POLD3: variants seen among roughly 807,000 people sequenced by gnomAD.
The protein encoded by POLD3 is DNA polymerase delta subunit 3.
A neutral mutation model predicts 58.2 loss-of-function variants in POLD3; 19 were observed. The observed-to-expected ratio is 0.33, with a 90% CI of 0.23 to 0.48. The LOEUF (loss-of-function observed/expected upper bound fraction) is 0.48. Ranked by LOEUF, POLD3 falls within the 20% of genes least tolerant of loss-of-function variation. POLD3 has a pLI of 0.99. For synonymous variants in POLD3, 172 were observed against 193.5 expected (o/e 0.89, Z 0.92); for missense variants, 504 against 545.5 (o/e 0.92, Z 0.76).
chr11:74,630,420 G>C, intron 9 of POLD3, among the ~76,000 whole-genome samples: 1 of 152,182 alleles, frequency 6.6e-6, no homozygotes, highest in Admixed American at 6.5e-5. Flanking sequence ...TGTGATAAAG[G>C]TGTAGCATCT....
downstream of POLD3, among the ~76,000 whole-genome samples, chr11:74,644,895 G>A (rs999465522): frequency 3.3e-5 from 5 of 152,138 alleles, no homozygotes; most frequent in South Asian, 2.1e-4. Flanking sequence ...GTCTTTTACC[G>A]GACTGCTCTT....
chr11:74,641,575 G>A lies in POLD3; in HGVS notation c.*809G>A, dbSNP rs1448438099. Reference sequence around the variant, plus strand: ...GGGTGTGCTTTATGCTGCTCTTTGCGGTTTGTTGATCCCCTCCTCCCCCAC... The same window carrying A: ...GGGTGTGCTTTATGCTGCTCTTTGCAGTTTGTTGATCCCCTCCTCCCCCAC... On this transcript the variant is annotated 3_prime_UTR_variant, in exon 12 of 12. Transcript: ENST00000263681. The A allele has an allele frequency of 1.0e-6, 1 of 985,376 alleles. No homozygotes were observed. The highest frequency in any genetic ancestry group is 1.2e-6 in the Non-Finnish European group (1 of 829,948). The allele number at this position is 985,376 out of a possible 1,614,324, so 61.0% of individuals were successfully genotyped here.
At chr11:74,593,696 C>T (rs1196524656) in intron 1 of POLD3, among the ~76,000 whole-genome samples, 2 of 152,154 alleles carry the variant, frequency 1.3e-5, no homozygotes, top group African/African-American at 4.8e-5. Flanking sequence ...ACTTCAAAGT[C>T]ATCTAGCTTC....
downstream of POLD3, among the ~76,000 whole-genome samples, chr11:74,647,495 G>A (rs531596635): frequency 2.8e-4 from 42 of 152,296 alleles, no homozygotes; most frequent in Non-Finnish European, 4.4e-4. Flanking sequence ...GTGTACCAGG[G>A]CTAGAACCTA....
intron 4 of POLD3, among the ~76,000 whole-genome samples, chr11:74,668,110 C>A (rs1018871111): frequency 3.9e-5 from 6 of 152,300 alleles, no homozygotes; most frequent in Middle Eastern, 3.4e-3. Context: ...AAATTTGGAA[C>A]CTTCATCCAC....
intron 9 of POLD3, among the ~76,000 whole-genome samples, chr11:74,631,443 G>A (rs902781912): frequency 1.6e-4 from 24 of 150,178 alleles, no homozygotes; most frequent in African/African-American, 5.9e-4. Context: ...CCAAGACAGT[G>A]CTTGGTACAT....
At chr11:74,640,059 G>A (rs2032869125) in intron 11 of POLD3, among the ~76,000 whole-genome samples, 2 of 152,174 alleles carry the variant, frequency 1.3e-5, no homozygotes, top group Non-Finnish European at 1.5e-5. Context: ...CTAGACAGGA[G>A]GGTCCATGGT....
chr11:74,609,360 A>G (rs2031810494), intron 3 of POLD3, among the ~76,000 whole-genome samples: 1 of 24,790 alleles, frequency 4.0e-5, no homozygotes, highest in Non-Finnish European at 6.6e-5. Context: ...ATATATATAT[A>G]TATATATATA....
intron 5 of POLD3, among the ~76,000 whole-genome samples, chr11:74,613,385 T>C (rs1167152403): frequency 6.6e-6 from 1 of 151,628 alleles, no homozygotes; most frequent in Non-Finnish European, 1.5e-5. Context: ...CCTCTACTTT[T>C]CATCCAAAAG....
intron 3 of POLD3, among the ~76,000 whole-genome samples, chr11:74,611,226 A>T (rs910938573): frequency 6.6e-6 from 1 of 152,284 alleles, no homozygotes; most frequent in East Asian, 1.9e-4. Context: ...CTGATTTGAG[A>T]TGCTGTATTT....
Position 74,592,733 on chromosome 11 carries a change from C to T in POLD3, c.60+15C>T. The T allele has an allele frequency of 6.2e-7, 1 of 1,613,886 alleles. No homozygotes were observed. Among genetic ancestry groups the T allele is most frequent in the South Asian group, 1.1e-5 (1 of 91,054 alleles). On this transcript the variant is annotated intron_variant, in intron 1 of 11. Transcript: ENST00000263681. ...AAAACAAGATCGTGAGCAGCTACTA[C>T]TGGGGAACGCGGGCGTGCGACCGGG...
At position 74,592,721 on chromosome 11, in the gene POLD3, G is replaced by T; in HGVS notation, c.60+3G>T. The T allele has an allele frequency of 6.2e-7, 1 of 1,614,062 alleles. No individual in the cohort carries two copies. The highest frequency in any genetic ancestry group is 1.1e-5 in the South Asian group (1 of 91,070). On this transcript the variant is annotated splice_donor_region_variant and intron_variant, in intron 1 of 11. Transcript: ENST00000263681. Reference sequence around the variant, plus strand: ...TCGTCACGGACCAAAACAAGATCGTGAGCAGCTACTACTGGGGAACGCGGG... The same window carrying T: ...TCGTCACGGACCAAAACAAGATCGTTAGCAGCTACTACTGGGGAACGCGGG...
chr11:74,606,263 G>A (rs951822617), intron 3 of POLD3, among the ~76,000 whole-genome samples: 8 of 152,186 alleles, frequency 5.3e-5, no homozygotes, highest in Middle Eastern at 3.2e-3. Flanking sequence ...TTAAACAGAC[G>A]TAACTCATTT....
At chr11:74,657,366 G>A (rs981825608) in intron 4 of POLD3, among the ~76,000 whole-genome samples, 2 of 151,902 alleles carry the variant, frequency 1.3e-5, no homozygotes, top group Non-Finnish European at 2.9e-5. Flanking sequence ...TCCTTTTAGT[G>A]AAGGTAATCT....
chr11:74,609,083 C>G, intron 3 of POLD3, among the ~76,000 whole-genome samples: 1 of 151,764 alleles, frequency 6.6e-6, no homozygotes, highest in East Asian at 1.9e-4. Context: ...AAAAGCAAAA[C>G]CTGTATTATT....
intron 4 of POLD3, among the ~76,000 whole-genome samples, chr11:74,654,022 C>T (rs2033101383): frequency 1.3e-5 from 2 of 152,116 alleles, no homozygotes; most frequent in South Asian, 4.1e-4. Context: ...AGATGCCACA[C>T]ACTTTTGCTC....
In POLD3 at chr11:74,642,968, T is replaced by C. The variant is rs2032953083; in HGVS notation, c.*2202T>C. The stretch of plus-strand genomic sequence containing the variant: ...TAGAAGAAAATCTAGCACATTGTAT[T>C]AGTTTGGCTTCATCACTTGCTAGCT... On this transcript the variant is annotated 3_prime_UTR_variant, in exon 12 of 12. Transcript: ENST00000263681. 16 of 981,430 alleles carry C rather than the reference T, an allele frequency of 1.6e-5. No individual in the cohort carries two copies. The highest frequency in any genetic ancestry group is 1.9e-5 in the Non-Finnish European group (16 of 826,276). 60.8% of individuals were successfully genotyped at this position (981,430 alleles called of 1,614,324 possible). A position where few individuals can be genotyped will look rare whatever the true frequency, so the allele number is the denominator to read the frequency against.
chr11:74,640,221 C>T (rs531101841), intron 11 of POLD3, among the ~76,000 whole-genome samples: 5 of 152,184 alleles, frequency 3.3e-5, no homozygotes, highest in Middle Eastern at 6.8e-3. Flanking sequence ...ATAGACAATT[C>T]GGATATAGAG....
chr11:74,630,840 T>G (rs2032569586), intron 9 of POLD3, among the ~76,000 whole-genome samples: 1 of 152,224 alleles, frequency 6.6e-6, no homozygotes, highest in African/African-American at 2.4e-5. Flanking sequence ...TATGGTTGGT[T>G]GAGCACTCAT....
Sources: gnomAD v4.1 joint callset for allele counts (sites outside exome capture counted in the v4.1 genomes callset) on GRCh38, gnomAD v4.1.1 for gene constraint, MANE v1.5 for transcripts, NCBI Gene and HGNC (gene_info 2026-07-23, HGNC 2026-07-21) for gene names.